Variants in SKIC3 observed in about 807,000 individuals in gnomAD.
The protein encoded by SKIC3 is SKI3 subunit of superkiller complex.
At chr5:95,491,987 A>AAT in the SKIC3 span, among the ~76,000 whole-genome samples, 1 of 152,100 alleles carries the variant, frequency 6.6e-6, no homozygotes, top group African/African-American at 2.4e-5. Flanking sequence ...ATATATCTGA[A>AAT]ATATATATAT....
chr5:95,498,914 C>A, the SKIC3 span, among the ~76,000 whole-genome samples: 1 of 152,132 alleles, frequency 6.6e-6, no homozygotes, highest in Non-Finnish European at 1.5e-5. Flanking sequence ...CGTGAGCCAC[C>A]GCGCCCAGCC....
chr5:95,540,026 G>A, the SKIC3 span, among the ~76,000 whole-genome samples: 1 of 152,028 alleles, frequency 6.6e-6, no homozygotes. Flanking sequence ...CAATCAATGA[G>A]TGGATAAAGA....
At chr5:95,530,374 A>G in the SKIC3 span, 2 of 751,130 alleles carry the variant, frequency 2.7e-6, no homozygotes, top group East Asian at 5.4e-5. Flanking sequence ...ATTTAAATAG[A>G]CCAGCAAATG....
At chr5:95,497,563 T>G in the SKIC3 span, 1 of 1,133,176 alleles carries the variant, frequency 8.8e-7, no homozygotes, top group Non-Finnish European at 1.3e-6. Flanking sequence ...CAACAATTTA[T>G]TAAGTTTAAA....
At chr5:95,499,923 TTAAA>T in the SKIC3 span, among the ~76,000 whole-genome samples, 3 of 152,088 alleles carry the variant, frequency 2.0e-5, no homozygotes, top group Non-Finnish European at 4.4e-5. Flanking sequence ...CCCAGTTAAT[TTAAA>T]TAAAGAAAAT....
At chr5:95,514,718 TACAAAGAGCTAA>T in the SKIC3 span, 2 of 749,098 alleles carry the variant, frequency 2.7e-6, no homozygotes, top group Non-Finnish European at 2.2e-6. Context: ...AAATAGTGTA[TACAAAGAGCTAA>T]GCACAGTGAC....
the SKIC3 span, among the ~76,000 whole-genome samples, chr5:95,466,770 A>T: frequency 1.3e-5 from 2 of 152,178 alleles, no homozygotes; most frequent in Non-Finnish European, 1.5e-5. Context: ...TCCTTTCTTT[A>T]AAAAAGAAAA....
At chr5:95,482,505 T>C in the SKIC3 span, 1 of 1,614,014 alleles carries the variant, frequency 6.2e-7, no homozygotes, top group East Asian at 2.2e-5. Context: ...GAGTTGGACA[T>C]GACTGTTTTT....
chr5:95,486,500 C>T, the SKIC3 span, among the ~76,000 whole-genome samples: 1 of 152,184 alleles, frequency 6.6e-6, no homozygotes. Context: ...CTGCTCCCAA[C>T]AAAGCATTTG....
chr5:95,510,043 A>G, the SKIC3 span, among the ~76,000 whole-genome samples: 1 of 152,236 alleles, frequency 6.6e-6, no homozygotes, highest in African/African-American at 2.4e-5. Context: ...GATTAAATTT[A>G]GCAATAATTT....
At chr5:95,535,144 C>T in the SKIC3 span, among the ~76,000 whole-genome samples, 1 of 152,094 alleles carries the variant, frequency 6.6e-6, no homozygotes, top group Non-Finnish European at 1.5e-5. Context: ...ATCTGTCCTG[C>T]ACACCATGTT....
At chr5:95,517,470 T>G in the SKIC3 span, 1 of 894,958 alleles carries the variant, frequency 1.1e-6, no homozygotes, top group Non-Finnish European at 1.7e-6. Flanking sequence ...ACCTCCCTAA[T>G]AGGAAGGGAA....
At chr5:95,553,375 A>G in the SKIC3 span, among the ~76,000 whole-genome samples, 1 of 152,268 alleles carries the variant, frequency 6.6e-6, no homozygotes, top group East Asian at 1.9e-4. Flanking sequence ...TTTAAATGTC[A>G]GTCAATATTG....
the SKIC3 span, among the ~76,000 whole-genome samples, chr5:95,552,743 T>G: frequency 6.6e-6 from 1 of 151,998 alleles, no homozygotes; most frequent in African/African-American, 2.4e-5. Context: ...TGAGTACCTT[T>G]TCTGATAGCA....
chr5:95,472,876 T>A, the SKIC3 span, among the ~76,000 whole-genome samples: 1 of 152,236 alleles, frequency 6.6e-6, no homozygotes, highest in East Asian at 1.9e-4. Context: ...TCTGTCCCTG[T>A]GTTAATTCAC....
the SKIC3 span, among the ~76,000 whole-genome samples, chr5:95,546,307 T>A: frequency 7.3e-6 from 1 of 137,150 alleles, no homozygotes; most frequent in African/African-American, 2.8e-5. Flanking sequence ...ATCTTTCCAA[T>A]CCTTACTAGC....
chr5:95,469,030 ATG>A, the SKIC3 span, among the ~76,000 whole-genome samples: 1 of 152,120 alleles, frequency 6.6e-6, no homozygotes, highest in Non-Finnish European at 1.5e-5. Context: ...CTATTTTGTG[ATG>A]TGTCTTTTGC....
At chr5:95,544,270 C>G in the SKIC3 span, among the ~76,000 whole-genome samples, 1 of 152,078 alleles carries the variant, frequency 6.6e-6, no homozygotes, top group African/African-American at 2.4e-5. Flanking sequence ...TCCAAAAGCC[C>G]GGCTGCTGAG....
the SKIC3 span, chr5:95,517,361 T>C: frequency 1.3e-6 from 2 of 1,593,184 alleles, no homozygotes; most frequent in Non-Finnish European, 8.6e-7. Context: ...AAATTATTTA[T>C]AAAAAGCATG....
Sources: allele counts gnomAD v4.1 joint callset (sites outside exome capture counted in the v4.1 genomes callset), GRCh38; gene constraint gnomAD v4.1.1; transcripts MANE v1.5; gene names NCBI Gene and HGNC (gene_info 2026-07-23, HGNC 2026-07-21).